NFIB: variants seen among roughly 807,000 people sequenced by gnomAD.
NFIB encodes nuclear factor I B.
In NFIB, 11 loss-of-function variants were observed where a neutral mutation model predicts 61.5. The observed-to-expected ratio is 0.18, with a 90% confidence interval of 0.11 to 0.30. The LOEUF (loss-of-function observed/expected upper bound fraction) is 0.30. Ranked by LOEUF, NFIB falls within the 10% of genes least tolerant of loss-of-function variation. The pLI, the probability that NFIB is intolerant of heterozygous loss-of-function variation, is 1.00. For missense variants in NFIB, 471 were observed against 608.9 expected, an observed-to-expected ratio of 0.77 and a Z score of 2.38; for synonymous variants, 260 against 216.5, an observed-to-expected ratio of 1.20 and a Z score of -1.76.
chr9:14,291,841 T>C (rs538371607), intron 2 of NFIB, among the ~76,000 whole-genome samples: 71 of 152,150 alleles, frequency 4.7e-4, no homozygotes, highest in African/African-American at 1.7e-3. Flanking sequence ...ATCTCAATCA[T>C]CTTTTCTTAT....
the NFIB span, among the ~76,000 whole-genome samples, chr9:14,405,965 G>C: frequency 1.3e-5 from 2 of 152,190 alleles, no homozygotes; most frequent in African/African-American, 2.4e-5. Flanking sequence ...CTAGGTTTTT[G>C]AGGGAATTGT....
chr9:14,336,164 G>C (rs2060884154), intron 1 of NFIB, among the ~76,000 whole-genome samples: 1 of 152,126 alleles, frequency 6.6e-6, no homozygotes, highest in Admixed American at 6.5e-5. Flanking sequence ...CTGGTATTTT[G>C]TCTTGTTTTT....
In NFIB at chr9:14,361,741, G is replaced by C. The variant is rs530157404; in HGVS notation, c.108+36783C>G. On this transcript the variant is annotated intron_variant, in intron 1 of 8. Coordinates refer to the NFIB transcript ENST00000380934. ...TGAAAAAATGAAAGCTTAGTTTTAG[G>C]ATTTCCCATTTTTTTCTTAGCCCTG... 2.0e-5 allele frequency: 3 copies of C among 152,258 alleles called. No homozygotes were observed. In the East Asian group the frequency reaches 5.8e-4, roughly 29 times the overall value. 9.4% of individuals were successfully genotyped at this position (152,258 alleles called of 1,614,324 possible).
chr9:14,084,916 G>C lies in NFIB; in HGVS notation c.*3393C>G. On this transcript the variant is annotated 3_prime_UTR_variant, in exon 11 of 11. Transcript: ENST00000380953. ...ACTAGGCCTTTGTATTCAAGAGGCAGGCAGGAATACCCACAGTGTGTAACT... is the reference window on the plus strand; with the variant it reads ...ACTAGGCCTTTGTATTCAAGAGGCACGCAGGAATACCCACAGTGTGTAACT... 4.3e-6 allele frequency: 1 copy of C among 230,894 alleles called. No individual in the cohort carries two copies. Among genetic ancestry groups the C allele is most frequent in the Non-Finnish European group, 8.6e-6 (1 of 116,350 alleles). 14.3% of individuals were successfully genotyped at this position (230,894 alleles called of 1,614,324 possible). A position where few individuals can be genotyped will look rare whatever the true frequency, so the allele number is the denominator to read the frequency against.
chr9:14,520,556 T>A, the NFIB span, among the ~76,000 whole-genome samples: 2 of 152,280 alleles, frequency 1.3e-5, no homozygotes, highest in South Asian at 4.1e-4. Flanking sequence ...TCTCTTCCAA[T>A]GAGTATGAAA....
chr9:14,262,064 A>G (rs999474163), intron 2 of NFIB, among the ~76,000 whole-genome samples: 2 of 151,154 alleles, frequency 1.3e-5, no homozygotes, highest in Admixed American at 1.3e-4. Context: ...GAGCCCTGAC[A>G]CTATCATGTC....
intron 2 of NFIB, among the ~76,000 whole-genome samples, chr9:14,287,364 G>GAA (rs35150573): frequency 5.3e-4 from 2 of 3,790 alleles, no homozygotes; most frequent in Non-Finnish European, 2.2e-3. Flanking sequence ...CCGGGAGGCG[G>GAA]CTTGCAGTGA....
intron 2 of NFIB, among the ~76,000 whole-genome samples, chr9:14,292,384 A>T (rs2059161462): frequency 6.6e-6 from 1 of 152,352 alleles, no homozygotes; most frequent in South Asian, 2.1e-4. Flanking sequence ...GAAATGAGCA[A>T]CATGAAAGTG....
chr9:14,379,175 C>T (rs971785689), intron 1 of NFIB, among the ~76,000 whole-genome samples: 2 of 152,152 alleles, frequency 1.3e-5, no homozygotes, highest in African/African-American at 4.8e-5. Flanking sequence ...CACCCCATAT[C>T]GTCCCTTCAT....
intron 1 of NFIB, among the ~76,000 whole-genome samples, chr9:14,360,706 G>A (rs563993499): frequency 5.9e-5 from 9 of 152,004 alleles, no homozygotes; most frequent in South Asian, 2.1e-4. Context: ...CAATACGCCC[G>A]GCTAATTTTT....
Position 14,391,090 on chromosome 9 carries a change from T to C in NFIB, c.108+7434A>G, listed in dbSNP as rs117060306. 1.6e-3 allele frequency among the ~76,000 whole-genome samples: 239 copies of C among 152,324 alleles called. 1 individual carries two copies. Among genetic ancestry groups the C allele is most frequent in the Non-Finnish European group, 2.7e-3 (181 of 68,022 alleles). ...AAGGTGGAATATAACTCCCTACCCC[T>C]TAAGCATGGGCTGTGCTTAGACATT... On this transcript the variant is annotated intron_variant, in intron 1 of 8. Transcript: ENST00000380934.
upstream of NFIB, among the ~76,000 whole-genome samples, chr9:14,316,403 A>G (rs1012902800): frequency 2.0e-5 from 3 of 152,054 alleles, no homozygotes; most frequent in African/African-American, 7.2e-5. Context: ...AAGACAGGTA[A>G]AGTCGGGGAG....
In NFIB at chr9:14,313,799, C is replaced by T. The variant is rs931989832; in HGVS notation, c.-288G>A. 1.7e-5 allele frequency: 22 copies of T among 1,328,558 alleles called. No homozygotes were observed. The East Asian group carries it at 6.6e-4, about 40-fold the overall frequency. The allele number at this position is 1,328,558 out of a possible 1,614,324, so 82.3% of individuals were successfully genotyped here. A position where few individuals can be genotyped will look rare whatever the true frequency, so the allele number is the denominator to read the frequency against. Reference sequence around the variant, plus strand: ...TGCTTGCCGAGGCCGCCGCCGCCGCCGGTGTTGGCTGCTTTTCGCCTGGGT... The same window carrying T: ...TGCTTGCCGAGGCCGCCGCCGCCGCTGGTGTTGGCTGCTTTTCGCCTGGGT... On this transcript the variant is annotated 5_prime_UTR_variant, in exon 1 of 11. Coordinates refer to ENST00000380953, the MANE Select transcript of NFIB (RefSeq NM_001190737.2). The surrounding 1 kb of genome is among the most constrained non-coding windows in gnomAD (Gnocchi z 4.5).
chr9:14,455,594 A>G, the NFIB span, among the ~76,000 whole-genome samples: 1 of 152,170 alleles, frequency 6.6e-6, no homozygotes, highest in African/African-American at 2.4e-5. Flanking sequence ...GTTTAGGCAG[A>G]TTAGTCAGGT....
chr9:14,412,770 A>C, the NFIB span, among the ~76,000 whole-genome samples: 4 of 152,202 alleles, frequency 2.6e-5, no homozygotes, highest in Admixed American at 2.6e-4. Flanking sequence ...TGGGATACGT[A>C]ATTAAACTAG....
At chr9:14,297,459 A>G (rs1316912279) in intron 2 of NFIB, among the ~76,000 whole-genome samples, 1 of 152,254 alleles carries the variant, frequency 6.6e-6, no homozygotes, top group Non-Finnish European at 1.5e-5. Flanking sequence ...AAAAGCATTT[A>G]AATTCCTTGA....
At chr9:14,356,985 G>A (rs1346135100) in intron 1 of NFIB, among the ~76,000 whole-genome samples, 1 of 152,160 alleles carries the variant, frequency 6.6e-6, no homozygotes, top group African/African-American at 2.4e-5. Context: ...TTCTATTTCT[G>A]CTCAGTACTG....
chr9:14,275,914 G>C (rs1444446167), intron 2 of NFIB, among the ~76,000 whole-genome samples: 1 of 150,770 alleles, frequency 6.6e-6, no homozygotes, highest in African/African-American at 2.4e-5. Context: ...AACTCTACCA[G>C]TATACCAAAA....
chr9:14,528,048 T>C, the NFIB span, among the ~76,000 whole-genome samples: 1 of 152,168 alleles, frequency 6.6e-6, no homozygotes, highest in Non-Finnish European at 1.5e-5. Flanking sequence ...TATACTAGTT[T>C]CAGCATTTAT....
Sources: gnomAD v4.1 joint callset for allele counts (sites outside exome capture counted in the v4.1 genomes callset) on GRCh38, gnomAD v4.1.1 for gene constraint, Gnocchi (gnomAD v3.1) non-coding constraint, MANE v1.5 for transcripts, NCBI Gene and HGNC (gene_info 2026-07-23, HGNC 2026-07-21) for gene names.